SORCS3: variants seen among roughly 807,000 people sequenced by gnomAD.
SORCS3 encodes the protein VPS10 domain-containing receptor SorCS3.
In SORCS3, 57 loss-of-function variants were observed where a neutral mutation model predicts 146.3. The observed-to-expected ratio is 0.39, with a 90% CI of 0.31 to 0.49. The LOEUF (loss-of-function observed/expected upper bound fraction) is 0.49. Ranked by LOEUF, SORCS3 falls within the 20% of genes least tolerant of loss-of-function variation. The pLI is 0.92. For synonymous variants in SORCS3, 653 were observed against 618.5 expected, an observed-to-expected ratio of 1.06 and a Z score of -0.83; for missense variants, 1,341 against 1,575.5, an observed-to-expected ratio of 0.85 and a Z score of 2.52.
chr10:104,762,636 C>A (rs1304760887), intron 1 of SORCS3, among the ~76,000 whole-genome samples: 4 of 152,176 alleles, frequency 2.6e-5, no homozygotes, highest in Non-Finnish European at 5.9e-5. Flanking sequence ...GGGAGGTGAT[C>A]AGATTATGGG....
chr10:105,169,652 A>G (rs143368131), intron 13 of SORCS3, among the ~76,000 whole-genome samples: 2 of 152,266 alleles, frequency 1.3e-5, no homozygotes, highest in East Asian at 3.9e-4. Context: ...ACGAACTTAC[A>G]TGCCAGTTTA....
intron 1 of SORCS3, among the ~76,000 whole-genome samples, chr10:104,695,854 C>T (rs1342906333): frequency 6.7e-6 from 1 of 150,142 alleles, no homozygotes; most frequent in Non-Finnish European, 1.5e-5. Flanking sequence ...AAATGACCAC[C>T]ATTGCATTAA....
At chr10:104,947,290 C>G (rs1214083788) in intron 3 of SORCS3, among the ~76,000 whole-genome samples, 2 of 152,086 alleles carry the variant, frequency 1.3e-5, no homozygotes, top group South Asian at 2.1e-4. Context: ...TCCATGCATT[C>G]TGTAGTTTTT....
Position 105,256,819 on chromosome 10 carries a change from C to T in SORCS3, c.3338C>T (p.Ala1113Val), listed in dbSNP as rs770311727. Residue 1113 changes from alanine (A) to valine (V), a missense_variant and splice_region_variant, in exon 25 of 27, where the codon GCT (alanine) becomes GTT (valine). Coordinates refer to ENST00000369701, the MANE Select transcript of SORCS3 (RefSeq NM_014978.3). ...VIVYVTQLTL[A>V]PLVDSSAGHS... is the part of the protein sequence containing the mutation. ...TTCCTTATCTGTTCTTCTTTCCAAGCTCCATTGGTGGACTCCAGTGCTGGG... is the reference window on the plus strand; with the variant it reads ...TTCCTTATCTGTTCTTCTTTCCAAGTTCCATTGGTGGACTCCAGTGCTGGG... 6.2e-7 allele frequency: 1 copy of T among 1,612,574 alleles called. No homozygotes were observed. The highest frequency in any genetic ancestry group is 8.5e-7 in the Non-Finnish European group (1 of 1,178,576).
chr10:104,972,379 G>A (rs926861270), intron 3 of SORCS3, among the ~76,000 whole-genome samples: 1 of 152,178 alleles, frequency 6.6e-6, no homozygotes, highest in African/African-American at 2.4e-5. Flanking sequence ...CCACTTGACT[G>A]GAAGATGATA....
chr10:105,015,690 T>C (rs1031512421), intron 4 of SORCS3, among the ~76,000 whole-genome samples: 6 of 152,146 alleles, frequency 3.9e-5, no homozygotes, highest in African/African-American at 7.2e-5. Context: ...GGAAGAATCA[T>C]GGAGATAGCT....
At chr10:104,858,225 C>A (rs1342748379) in intron 2 of SORCS3, among the ~76,000 whole-genome samples, 1 of 152,138 alleles carries the variant, frequency 6.6e-6, no homozygotes, top group South Asian at 2.1e-4. Context: ...AAATTCCATT[C>A]AAAATCATTG....
chr10:105,090,661 T>C (rs1564751234), intron 6 of SORCS3, among the ~76,000 whole-genome samples: 1 of 152,052 alleles, frequency 6.6e-6, no homozygotes, highest in Non-Finnish European at 1.5e-5. Flanking sequence ...TGTCTGTGAG[T>C]TGGGGTACTC....
intron 1 of SORCS3, among the ~76,000 whole-genome samples, chr10:104,721,421 G>T (rs1431639538): frequency 6.6e-6 from 1 of 152,200 alleles, no homozygotes. Flanking sequence ...GATGCGACCG[G>T]CTTTGTTCTT....
At chr10:104,858,084 A>C (rs2018354924) in intron 2 of SORCS3, among the ~76,000 whole-genome samples, 1 of 152,232 alleles carries the variant, frequency 6.6e-6, no homozygotes, top group Non-Finnish European at 1.5e-5. Flanking sequence ...GAAATGAGAC[A>C]ATGAGTTTCC....
At chr10:105,169,839 C>A (rs753719907) in intron 13 of SORCS3, among the ~76,000 whole-genome samples, 14 of 152,042 alleles carry the variant, frequency 9.2e-5, no homozygotes, top group African/African-American at 1.4e-4. Flanking sequence ...TCTTAGCTCC[C>A]ATCATGTTAA....
chr10:104,821,944 G>A (rs537958748), intron 1 of SORCS3, among the ~76,000 whole-genome samples: 55 of 152,224 alleles, frequency 3.6e-4, no homozygotes, highest in Middle Eastern at 3.4e-3. Flanking sequence ...AAGGTTATTG[G>A]AATAAAATAA....
chr10:104,854,857 C>G (rs182643066), intron 2 of SORCS3, among the ~76,000 whole-genome samples: 111 of 152,260 alleles, frequency 7.3e-4, no homozygotes, highest in Middle Eastern at 6.8e-3. Context: ...TTAGCATAAT[C>G]CCCTGGAGAT....
In SORCS3 at chr10:104,728,029, A is replaced by G. The variant is rs567516556; in HGVS notation, c.627+86075A>G. On this transcript the variant is annotated intron_variant, in intron 1 of 26. Coordinates refer to ENST00000369701, the MANE Select transcript of SORCS3 (RefSeq NM_014978.3). ...CTTTATATATATAACAGTTCTATCT[A>G]TCTATCTATCTATCTATCTATCTAT... Among the ~76,000 whole-genome samples, 183 of 84,822 alleles carry G rather than the reference A, an allele frequency of 2.2e-3. 1 individual carries two copies. Among genetic ancestry groups the G allele is most frequent in the African/African-American group, 7.4e-3 (152 of 20,614 alleles). 55.6% of individuals were successfully genotyped at this position (84,822 alleles called of 152,430 possible).
chr10:104,810,175 C>G (rs376253932), intron 1 of SORCS3, among the ~76,000 whole-genome samples: 2 of 152,100 alleles, frequency 1.3e-5, no homozygotes, highest in Non-Finnish European at 2.9e-5. Flanking sequence ...GGATTTTCAC[C>G]TCTATTTTTA....
chr10:105,015,147 G>A (rs923899737), intron 4 of SORCS3, among the ~76,000 whole-genome samples: 3 of 152,196 alleles, frequency 2.0e-5, no homozygotes, highest in African/African-American at 7.2e-5. Flanking sequence ...TGAGGTTGAG[G>A]TTCAGTGGGA....
intron 16 of SORCS3, among the ~76,000 whole-genome samples, chr10:105,206,781 G>A (rs1253788718): frequency 6.6e-6 from 1 of 152,048 alleles, no homozygotes; most frequent in Non-Finnish European, 1.5e-5. Context: ...TTGCTGTTGG[G>A]CCTGCTTGTG....
intron 1 of SORCS3, among the ~76,000 whole-genome samples, chr10:104,757,820 G>A (rs976595538): frequency 6.6e-6 from 1 of 151,288 alleles, no homozygotes; most frequent in African/African-American, 2.4e-5. Flanking sequence ...GCACAGGTGT[G>A]TGCTTGATTC....
intron 3 of SORCS3, among the ~76,000 whole-genome samples, chr10:104,947,047 T>C (rs2019378862): frequency 6.6e-6 from 1 of 151,758 alleles, no homozygotes; most frequent in African/African-American, 2.4e-5. Context: ...ATTGAGAGAG[T>C]AGATGGCAGC....
Sources: allele counts gnomAD v4.1 joint callset (sites outside exome capture counted in the v4.1 genomes callset), GRCh38; gene constraint gnomAD v4.1.1; transcripts MANE v1.5; gene names NCBI Gene and HGNC (gene_info 2026-07-23, HGNC 2026-07-21).